The following NOL4 variants were observed in gnomAD, a reference collection of about 807,000 sequenced individuals.
NOL4 encodes the protein nucleolar protein 4.
Under a neutral mutation model 75.9 loss-of-function variants are expected in NOL4, and 17 were observed. That is an observed-to-expected ratio of 0.22 (90% CI 0.15 to 0.34). The LOEUF is 0.34. NOL4 is among the 10% of genes least tolerant of loss of function. The probability of loss-of-function intolerance (pLI) is 1.00; values close to 1 mark genes in which losing one functional copy is unlikely to be tolerated. For missense variants in NOL4, 614 were observed against 793.5 expected (o/e 0.77, Z 2.72); for synonymous variants, 292 against 289.9 (o/e 1.01, Z -0.07).
In NOL4 at chr18:34,139,066, G is replaced by A. The variant is rs568207315; in HGVS notation, c.265-9046C>T. Among the ~76,000 whole-genome samples the A allele has an allele frequency of 2.1e-3, 325 of 152,252 alleles. 8 individuals carry two copies. In the East Asian group the frequency reaches 0.056, roughly 26 times the overall value. Reference sequence around the variant, plus strand: ...TGGATAAGCTTTTTGATGTGCTGCTGGATTTGAATTGCCAGTATTTTATTG... The same window carrying A: ...TGGATAAGCTTTTTGATGTGCTGCTAGATTTGAATTGCCAGTATTTTATTG... On this transcript the variant is annotated intron_variant, in intron 1 of 10. Coordinates refer to ENST00000261592, the MANE Select transcript of NOL4 (RefSeq NM_003787.5).
chr18:34,201,817 A>G (rs2035763271), intron 1 of NOL4, among the ~76,000 whole-genome samples: 1 of 151,844 alleles, frequency 6.6e-6, no homozygotes, highest in Non-Finnish European at 1.5e-5. Flanking sequence ...TAATTTAAAT[A>G]TATCAGTTTC....
intron 5 of NOL4, among the ~76,000 whole-genome samples, chr18:34,064,943 ACACAC>A: frequency 1.7e-5 from 1 of 58,498 alleles, no homozygotes; most frequent in African/African-American, 4.6e-5. Context: ...ACACACACAC[ACACAC>A]ACACATCATA....
In NOL4 at chr18:34,194,254, G is replaced by A. The variant is rs530994287; in HGVS notation, c.264+28736C>T. ...CACAAAAAAGTATGTGAAGCAATGC[G>A]TATGTTAATTAGCTCAATTTAGTCA... On this transcript the variant is annotated intron_variant, in intron 1 of 10. Coordinates refer to ENST00000261592, the MANE Select transcript of NOL4 (RefSeq NM_003787.5). Among the ~76,000 whole-genome samples the A allele has an allele frequency of 5.9e-5, 9 of 152,084 alleles. No homozygotes were observed. In the East Asian group the frequency reaches 1.4e-3, roughly 23 times the overall value.
chr18:34,047,749 C>G (rs1039327419), intron 5 of NOL4, among the ~76,000 whole-genome samples: 2 of 151,952 alleles, frequency 1.3e-5, no homozygotes, highest in Admixed American at 6.6e-5. Flanking sequence ...TGTGTAAGCA[C>G]AAACCAAAGA....
At chr18:34,196,413 C>G (rs2146446058) in intron 1 of NOL4, among the ~76,000 whole-genome samples, 1 of 152,264 alleles carries the variant, frequency 6.6e-6, no homozygotes, top group Middle Eastern at 3.4e-3. Flanking sequence ...CATTCACAGT[C>G]TTCTCAACTG....
intron 5 of NOL4, among the ~76,000 whole-genome samples, chr18:34,055,916 A>G (rs1013364911): frequency 8.6e-5 from 13 of 151,910 alleles, no homozygotes; most frequent in African/African-American, 3.1e-4. Flanking sequence ...TAATTTTTCA[A>G]TTCAGCAATT....
At chr18:34,167,209 C>T (rs999454107) in intron 1 of NOL4, among the ~76,000 whole-genome samples, 1 of 151,814 alleles carries the variant, frequency 6.6e-6, no homozygotes, top group African/African-American at 2.4e-5. Flanking sequence ...AAATACTAGA[C>T]CATTTTCTAT....
intron 6 of NOL4, among the ~76,000 whole-genome samples, chr18:34,009,880 A>G (rs913569460): frequency 2.6e-5 from 4 of 151,960 alleles, no homozygotes; most frequent in Non-Finnish European, 5.9e-5. Flanking sequence ...TCCAATCTGT[A>G]AAAATGAGAA....
chr18:34,004,587 G>A (rs2073927029), intron 6 of NOL4, among the ~76,000 whole-genome samples: 1 of 151,998 alleles, frequency 6.6e-6, no homozygotes, highest in East Asian at 1.9e-4. Context: ...GCAAACCTAT[G>A]TTGATGATTA....
chr18:33,854,200 T>A (rs1212984286), intron 10 of NOL4, among the ~76,000 whole-genome samples: 1 of 152,116 alleles, frequency 6.6e-6, no homozygotes, highest in East Asian at 1.9e-4. Flanking sequence ...TATTTTATCC[T>A]TTTGGTTCTC....
intron 9 of NOL4, among the ~76,000 whole-genome samples, chr18:33,894,017 T>C (rs2065252328): frequency 6.6e-6 from 1 of 152,160 alleles, no homozygotes; most frequent in African/African-American, 2.4e-5. Context: ...AAAGTATTTT[T>C]GTTGAAGTTA....
intron 9 of NOL4, among the ~76,000 whole-genome samples, chr18:33,940,320 A>G: frequency 6.6e-6 from 1 of 152,082 alleles, no homozygotes. Context: ...TCAATTATAG[A>G]CTGGATAAAG....
At chr18:33,965,162 C>T (rs1045641647) in intron 6 of NOL4, among the ~76,000 whole-genome samples, 9 of 152,114 alleles carry the variant, frequency 5.9e-5, no homozygotes, top group South Asian at 2.1e-4. Flanking sequence ...GGAGATGATA[C>T]GACAAGAATG....
chr18:34,089,421 G>T (rs1489232401), intron 5 of NOL4, among the ~76,000 whole-genome samples: 1 of 152,136 alleles, frequency 6.6e-6, no homozygotes, highest in Non-Finnish European at 1.5e-5. Flanking sequence ...AGAGAACAGA[G>T]TTTAACTGCC....
chr18:33,941,612 C>T (rs892928464), intron 9 of NOL4, among the ~76,000 whole-genome samples: 2 of 151,846 alleles, frequency 1.3e-5, no homozygotes, highest in Non-Finnish European at 2.9e-5. Flanking sequence ...AGGCAAAATG[C>T]TAAGTACATA....
intron 9 of NOL4, among the ~76,000 whole-genome samples, chr18:33,923,489 A>G (rs981502045): frequency 6.6e-6 from 1 of 152,014 alleles, no homozygotes; most frequent in African/African-American, 2.4e-5. Flanking sequence ...TCATAATGAT[A>G]TATATCTTAA....
intron 1 of NOL4, among the ~76,000 whole-genome samples, chr18:34,179,597 T>C (rs559600229): frequency 5.2e-4 from 79 of 151,386 alleles, no homozygotes; most frequent in Non-Finnish European, 9.6e-4. Flanking sequence ...ACCAAAAAAA[T>C]AGATTAATAT....
chr18:34,104,998 G>T, intron 3 of NOL4, 51 bp downstream of exon 3: 1 of 1,085,584 alleles, frequency 9.2e-7, no homozygotes, highest in Non-Finnish European at 1.4e-6. Context: ...GATACAAATG[G>T]CCATTATGAA....
chr18:34,176,346 A>C (rs975771635), intron 1 of NOL4, among the ~76,000 whole-genome samples: 1 of 152,074 alleles, frequency 6.6e-6, no homozygotes, highest in African/African-American at 2.4e-5. Context: ...GATATCATCA[A>C]TCAGTCCTAG....
Sources: allele counts gnomAD v4.1 joint callset (sites outside exome capture counted in the v4.1 genomes callset), GRCh38; gene constraint gnomAD v4.1.1; transcripts MANE v1.5; gene names NCBI Gene and HGNC (gene_info 2026-07-23, HGNC 2026-07-21).